The following ZNF83 variants were observed in gnomAD, a reference collection of about 807,000 sequenced individuals.
The protein encoded by ZNF83 is zinc finger protein 83.
For missense variants in ZNF83, 552 were observed against 629.9 expected, an observed-to-expected ratio of 0.88 and a Z score of 1.32; for synonymous variants, 209 against 213.0, an observed-to-expected ratio of 0.98 and a Z score of 0.17.
chr19:52,630,312 A>G (rs940348834), intron 2 of ZNF83, among the ~76,000 whole-genome samples: 4 of 152,160 alleles, frequency 2.6e-5, no homozygotes, highest in African/African-American at 7.2e-5. Flanking sequence ...TAACTCTCAC[A>G]GTGGAAAGTC....
chr19:52,665,406 A>G (rs1004226093), intron 1 of ZNF83, among the ~76,000 whole-genome samples: 2 of 149,308 alleles, frequency 1.3e-5, no homozygotes, highest in African/African-American at 5.0e-5. Flanking sequence ...CTCCGTCTCA[A>G]TAAGAAAAAA....
chr19:52,682,595 G>A (rs2061939489), intron 1 of ZNF83, among the ~76,000 whole-genome samples: 1 of 151,914 alleles, frequency 6.6e-6, no homozygotes, highest in Non-Finnish European at 1.5e-5. Context: ...TTGAACCCAG[G>A]AGTCAGAGGT....
At chr19:52,666,390 C>G (rs1225924078) in intron 1 of ZNF83, among the ~76,000 whole-genome samples, 3 of 151,958 alleles carry the variant, frequency 2.0e-5, no homozygotes, top group African/African-American at 7.3e-5. Flanking sequence ...CTATAACACT[C>G]CAATACCACC....
chr19:52,652,639 T>G (rs1265685159), intron 3 of ZNF83: 2 of 500,548 alleles, frequency 4.0e-6, no homozygotes, highest in Admixed American at 4.9e-5. Flanking sequence ...TTTACTACAC[T>G]TGTAAGATCT....
chr19:52,682,939 C>T lies in ZNF83; in HGVS notation c.-283+7504G>A, dbSNP rs188516847. On this transcript the variant is annotated intron_variant, in intron 1 of 5. Coordinates refer to the ZNF83 transcript ENST00000594682. ...AGGCTGGAGTACAGTGGCACCATCT[C>T]GGATTACTGCAACCTCCACCTTCCG... Among the ~76,000 whole-genome samples, 194 of 152,238 alleles carry T rather than the reference C, an allele frequency of 1.3e-3. 1 individual carries two copies. The highest frequency in any genetic ancestry group is 1.9e-3 in the Non-Finnish European group (129 of 68,016).
At chr19:52,624,570 G>GCT (rs2060665783) in intron 2 of ZNF83, among the ~76,000 whole-genome samples, 1 of 152,190 alleles carries the variant, frequency 6.6e-6, no homozygotes, top group African/African-American at 2.4e-5. Flanking sequence ...GTTCCTTGAA[G>GCT]ACAGCTCTGG....
At chr19:52,654,238 T>C in intron 3 of ZNF83, 1 of 1,577,604 alleles carries the variant, frequency 6.3e-7, no homozygotes, top group Non-Finnish European at 8.7e-7. Context: ...TCTTTTAATT[T>C]CTTGCCACTG....
chr19:52,640,370 G>A (rs1001917872), upstream of ZNF83, among the ~76,000 whole-genome samples: 2 of 152,128 alleles, frequency 1.3e-5, no homozygotes, highest in African/African-American at 4.8e-5. Flanking sequence ...AATCATGACA[G>A]CTTTCATTCA....
At chr19:52,653,292 C>T in intron 3 of ZNF83, 1 of 1,404,526 alleles carries the variant, frequency 7.1e-7, no homozygotes, top group Non-Finnish European at 1.0e-6. Context: ...GATTAAAAAC[C>T]TTACCACATT....
At chr19:52,666,163 C>CAAAA (rs35992506) in intron 1 of ZNF83, among the ~76,000 whole-genome samples, 1 of 102,376 alleles carries the variant, frequency 9.8e-6, no homozygotes, top group Non-Finnish European at 1.9e-5. Flanking sequence ...GACTCCATCT[C>CAAAA]AAAAAAAAAA....
intron 2 of ZNF83, among the ~76,000 whole-genome samples, chr19:52,629,653 T>G (rs558750607): frequency 6.6e-6 from 1 of 152,180 alleles, no homozygotes; most frequent in Non-Finnish European, 1.5e-5. Context: ...ATGCTCCTTT[T>G]TCTTTATTCC....
chr19:52,656,864 CAAAAAAAA>C (rs112522632), intron 2 of ZNF83, among the ~76,000 whole-genome samples: 2 of 136,564 alleles, frequency 1.5e-5, no homozygotes, highest in Admixed American at 7.3e-5. Context: ...GACTCCGTCT[CAAAAAAAA>C]AAAAAAAAAA....
At chr19:52,677,031 T>C (rs1420991883) in intron 1 of ZNF83, among the ~76,000 whole-genome samples, 2 of 147,456 alleles carry the variant, frequency 1.4e-5, no homozygotes, top group Non-Finnish European at 3.0e-5. Context: ...CCAGAGACCT[T>C]TGTTCACTTG....
At chr19:52,647,119 T>G (rs2147239287) in intron 3 of ZNF83, among the ~76,000 whole-genome samples, 1 of 152,254 alleles carries the variant, frequency 6.6e-6, no homozygotes, top group African/African-American at 2.4e-5. Context: ...AGAAAGTGGT[T>G]TTTTTCCCAC....
chr19:52,614,533 T>TTTAATCCAA, exon 3 of ZNF83: 1 of 1,600,762 alleles, frequency 6.2e-7, no homozygotes, highest in Non-Finnish European at 8.5e-7. Context: ...TTTAACAGGC[T>TTTAATCCAA]GCTTTTGTGC....
At chr19:52,614,913 A>T in intron 2 of ZNF83, 116 bp from the exon 3 acceptor site, 1 of 1,000,328 alleles carries the variant, frequency 1.0e-6, no homozygotes, top group Non-Finnish European at 1.3e-6. Context: ...GAAAGTTATA[A>T]AACTCCCATT....
chr19:52,656,226 C>CTCTCTA (rs1491301162), intron 2 of ZNF83, among the ~76,000 whole-genome samples: 15 of 144,954 alleles, frequency 1.0e-4, no homozygotes, highest in African/African-American at 3.6e-4. Context: ...CTCTCTCTCT[C>CTCTCTA]TATATATATA....
chr19:52,664,142 C>T (rs2061614857), intron 1 of ZNF83, among the ~76,000 whole-genome samples: 2 of 151,714 alleles, frequency 1.3e-5, no homozygotes, highest in African/African-American at 4.8e-5. Context: ...CCTTGGCCTC[C>T]AAACTGCTGG....
At chr19:52,654,018 T>A in intron 3 of ZNF83, 8 of 1,551,130 alleles carry the variant, frequency 5.2e-6, no homozygotes, top group Non-Finnish European at 7.1e-6. Flanking sequence ...TTCTTTGGGA[T>A]GTTGAAACCA....
Sources: gnomAD v4.1 joint callset for allele counts (sites outside exome capture counted in the v4.1 genomes callset) on GRCh38, gnomAD v4.1.1 for gene constraint, MANE v1.5 for transcripts, NCBI Gene and HGNC (gene_info 2026-07-23, HGNC 2026-07-21) for gene names.